The following MSH3 variants were observed in gnomAD, a reference collection of about 807,000 sequenced individuals.
MSH3 encodes the protein DNA mismatch repair protein Msh3.
Under a neutral mutation model 123.3 loss-of-function variants are expected in MSH3, and 106 were observed. That is an observed-to-expected ratio of 0.86 (90% CI 0.73 to 1.01). MSH3 has a LOEUF of 1.01. Among genes scored for constraint, MSH3 ranks in the 50% least tolerant of loss-of-function variants. The pLI is 0.00. For synonymous variants in MSH3, 515 were observed against 481.4 expected, an observed-to-expected ratio of 1.07 and a Z score of -0.91; for missense variants, 1,459 against 1,347.6, an observed-to-expected ratio of 1.08 and a Z score of -1.29.
At chr5:80,862,071 A>T (rs1036306618) in intron 21 of MSH3, among the ~76,000 whole-genome samples, 3 of 151,986 alleles carry the variant, frequency 2.0e-5, no homozygotes, top group Non-Finnish European at 4.4e-5. Flanking sequence ...ATCAGAAAGG[A>T]GCAATAAGGG....
chr5:80,658,050 T>TTTTTTTTTTTTTTG (rs1580541891), intron 2 of MSH3, among the ~76,000 whole-genome samples: 2 of 149,266 alleles, frequency 1.3e-5, no homozygotes, highest in Admixed American at 1.3e-4. Flanking sequence ...TTTTTTTTTT[T>TTTTTTTTTTTTTTG]GAGATAGGGT....
At chr5:80,775,221 A>G in intron 15 of MSH3, among the ~76,000 whole-genome samples, 1 of 152,234 alleles carries the variant, frequency 6.6e-6, no homozygotes, top group East Asian at 1.9e-4. Context: ...AGAGACTTTT[A>G]CAGGATTTCA....
chr5:80,774,684 A>G (rs1410444248), intron 15 of MSH3, among the ~76,000 whole-genome samples: 4 of 152,194 alleles, frequency 2.6e-5, no homozygotes, highest in African/African-American at 7.2e-5. Flanking sequence ...TATGGAGGTC[A>G]TTATGTTAAG....
rs1448385261 is a variant in MSH3 at position 80,744,587 on chromosome 5, TG to T, written c.1738del (p.Val580Ter). On this transcript the variant is annotated frameshift_variant, in exon 12 of 24. Transcript: ENST00000265081. LOFTEE classifies it high-confidence loss of function. Reference sequence around the variant, plus strand: ...ATTTGGGAGACGGAAGTTAAAGAAGTGGGTGACCCAGCCACTCCTTAAATTA... The same window carrying T: ...ATTTGGGAGACGGAAGTTAAAGAAGTGGTGACCCAGCCACTCCTTAAATTA... ...TSFGRRKLKK[W>X]VTQPLLKLRE... The T allele has an allele frequency of 1.2e-6, 2 of 1,613,236 alleles. No individual in the cohort carries two copies. Among genetic ancestry groups the T allele is most frequent in the African/African-American group, 2.7e-5 (2 of 74,904 alleles).
At chr5:80,784,240 G>A (rs1679089) in intron 17 of MSH3, among the ~76,000 whole-genome samples, 57,972 of 70,186 alleles carry the variant, frequency 0.83, 24,298 homozygotes, top group South Asian at 0.91. Flanking sequence ...AAAAAAAAAA[G>A]GGAAATAAAT....
At chr5:80,668,157 A>C (rs1677644) in intron 3 of MSH3, among the ~76,000 whole-genome samples, 42,170 of 152,056 alleles carry the variant, frequency 0.28, 6,085 homozygotes, top group Middle Eastern at 0.35. Flanking sequence ...TCCTCTCCGC[A>C]GGCAGGTTGT....
chr5:80,729,429 A>ATGTGT (rs1561458052), intron 10 of MSH3, among the ~76,000 whole-genome samples: 2 of 62,762 alleles, frequency 3.2e-5, no homozygotes, highest in African/African-American at 1.4e-4. Flanking sequence ...AAAAAAAAAA[A>ATGTGT]ATGTGTGTGT....
chr5:80,703,194 T>C (rs1750648441), intron 8 of MSH3, among the ~76,000 whole-genome samples: 1 of 152,238 alleles, frequency 6.6e-6, no homozygotes, highest in African/African-American at 2.4e-5. Flanking sequence ...TGGTTCTGAC[T>C]GAAACATTGG....
At chr5:80,829,796 T>C (rs921282861) in intron 20 of MSH3, among the ~76,000 whole-genome samples, 1 of 152,210 alleles carries the variant, frequency 6.6e-6, no homozygotes, top group Non-Finnish European at 1.5e-5. Context: ...AAACAGATTA[T>C]AGAGAATTGG....
chr5:80,698,987 CAA>C (rs1750547717), intron 8 of MSH3, among the ~76,000 whole-genome samples: 1 of 151,952 alleles, frequency 6.6e-6, no homozygotes, highest in Non-Finnish European at 1.5e-5. Context: ...AAAAGAGAAT[CAA>C]GAGTGAAACG....
chr5:80,795,067 T>C lies in MSH3; in HGVS notation c.2655+2223T>C, dbSNP rs138214778. ...TGAGGACAGTGAAAGAATTGAGATG[T>C]AGGGGAGCATTTGGAATGTAGATCA... On this transcript the variant is annotated intron_variant, in intron 19 of 23. Transcript: ENST00000265081. Among the ~76,000 whole-genome samples, 343 of 152,224 alleles carry C rather than the reference T, an allele frequency of 2.3e-3. 2 individuals are homozygous for C. Among genetic ancestry groups the C allele is most frequent in the Middle Eastern group, 6.8e-3 (2 of 294 alleles).
At chr5:80,778,553 T>G (rs536597114) in intron 16 of MSH3, among the ~76,000 whole-genome samples, 167 bp from the exon 17 acceptor site, 3 of 152,266 alleles carry the variant, frequency 2.0e-5, no homozygotes, top group Non-Finnish European at 4.4e-5. Context: ...TCATATTCTT[T>G]GGAATCAGTA....
chr5:80,781,603 AC>A (rs1744410695), intron 17 of MSH3, among the ~76,000 whole-genome samples: 1 of 151,882 alleles, frequency 6.6e-6, no homozygotes, highest in Non-Finnish European at 1.5e-5. Flanking sequence ...AGTAGCTGGG[AC>A]CACAGGCATG....
chr5:80,751,060 A>T (rs929856162), intron 12 of MSH3, among the ~76,000 whole-genome samples: 1 of 152,192 alleles, frequency 6.6e-6, no homozygotes, highest in Non-Finnish European at 1.5e-5. Flanking sequence ...CATTATCTGT[A>T]CAAGGGGTCT....
At chr5:80,760,533 T>G (rs1469811017) in intron 12 of MSH3, among the ~76,000 whole-genome samples, 4 of 152,204 alleles carry the variant, frequency 2.6e-5, no homozygotes. Context: ...ATGTTTAATT[T>G]AATTCATTCA....
chr5:80,670,338 T>A (rs779270100), intron 4 of MSH3, 29 bp downstream of exon 4: 65 of 1,597,690 alleles, frequency 4.1e-5, no homozygotes, highest in Non-Finnish European at 5.4e-5. Flanking sequence ...CACTATTTTA[T>A]ATTTTTCTTG....
At chr5:80,844,466 G>A (rs192884034) in intron 20 of MSH3, among the ~76,000 whole-genome samples, 1 of 152,102 alleles carries the variant, frequency 6.6e-6, no homozygotes, top group Non-Finnish European at 1.5e-5. Flanking sequence ...TTAACCTTCT[G>A]TCTCATTGAT....
At chr5:80,729,191 A>G (rs900518148) in intron 10 of MSH3, among the ~76,000 whole-genome samples, 6 of 152,064 alleles carry the variant, frequency 3.9e-5, no homozygotes, top group African/African-American at 1.2e-4. Context: ...CGAGGCGGGC[A>G]GATCATGAGG....
rs6151814 is a variant in MSH3, at chr5:80,775,493, A to G, written c.2254-201A>G. Among the ~76,000 whole-genome samples the G allele has an allele frequency of 7.9e-3, 1,201 of 152,294 alleles. 17 individuals are homozygous for G. The highest frequency in any genetic ancestry group is 0.028 in the African/African-American group (1,147 of 41,580). On this transcript the variant is annotated intron_variant, in intron 15 of 23. Transcript: ENST00000265081. The stretch of plus-strand genomic sequence containing the variant: ...GTATTACAAATGTTTTATGCAATAC[A>G]AATTGTACTTTGTCCCAAGTAGTGA...
Sources: allele counts gnomAD v4.1 joint callset (sites outside exome capture counted in the v4.1 genomes callset), GRCh38; gene constraint gnomAD v4.1.1; transcripts MANE v1.5; gene names NCBI Gene and HGNC (gene_info 2026-07-23, HGNC 2026-07-21).